The following WNT7B variants were observed in gnomAD, a reference collection of about 807,000 sequenced individuals.
WNT7B encodes Wnt family member 7B, also known as protein Wnt-7b.
WNT7B carries 19 observed loss-of-function variants against 38.2 expected under a neutral mutation model. The observed-to-expected ratio is 0.50, with a 90% CI of 0.35 to 0.73. The LOEUF (loss-of-function observed/expected upper bound fraction) is 0.73. WNT7B is among the 30% of genes least tolerant of loss of function. The pLI is 0.01. For missense variants in WNT7B, 423 were observed against 507.9 expected, an observed-to-expected ratio of 0.83 and a Z score of 1.61; for synonymous variants, 243 against 209.3, an observed-to-expected ratio of 1.16 and a Z score of -1.39.
At chr22:45,927,936 GAGACCTGGTGAAGACAGGCA>G (rs1474569410) in intron 3 of WNT7B, among the ~76,000 whole-genome samples, 1 of 152,200 alleles carries the variant, frequency 6.6e-6, no homozygotes, top group Non-Finnish European at 1.5e-5. Flanking sequence ...AGGCTCAGAG[GAGACCTGGTGAAGACAGGCA>G]GGGGCTGGAG....
chr22:45,971,565 G>A (rs776750802), intron 1 of WNT7B, among the ~76,000 whole-genome samples: 38 of 152,318 alleles, frequency 2.5e-4, no homozygotes, highest in Non-Finnish European at 4.7e-4. Context: ...CGCAATGCGC[G>A]TCCTCCTCGC....
chr22:45,927,641 A>G (rs1056869291), intron 3 of WNT7B: 44 of 779,528 alleles, frequency 5.6e-5, no homozygotes, highest in Non-Finnish European at 9.0e-5. Flanking sequence ...CACACCTGTA[A>G]TCCAAGCACT....
intron 2 of WNT7B, among the ~76,000 whole-genome samples, chr22:45,939,853 A>G (rs1049456511): frequency 3.9e-5 from 6 of 152,064 alleles, no homozygotes; most frequent in Non-Finnish European, 8.8e-5. Flanking sequence ...ACCCCAAAAC[A>G]TCATGCCAAG....
chr22:45,925,869 G>C (rs10453446), intron 3 of WNT7B: 3 of 985,426 alleles, frequency 3.0e-6, no homozygotes, highest in Non-Finnish European at 3.6e-6. Flanking sequence ...GTCCAGACTA[G>C]AGGGTGTGCA....
intron 1 of WNT7B, chr22:45,972,116 G>GGGGGGGCCCCCCCCCCCCCCCC: frequency 1.9e-6 from 1 of 530,744 alleles, no homozygotes; most frequent in Non-Finnish European, 3.3e-6. Flanking sequence ...CCCGGGGGGA[G>GGGGGGGCCCCCCCCCCCCCCCC]CCCACCCGCC....
At position 45,921,984 on chromosome 22, in the gene WNT7B, C is replaced by T. The variant is rs543830334; in HGVS notation, c.*872G>A. 11 of 152,220 alleles carry T rather than the reference C, an allele frequency of 7.2e-5. No individual in the cohort carries two copies. Among genetic ancestry groups the T allele is most frequent in the Non-Finnish European group, 1.5e-4 (10 of 68,040 alleles). The allele number at this position is 152,220 out of a possible 1,614,324, so 9.4% of individuals were successfully genotyped here. A position where few individuals can be genotyped will look rare whatever the true frequency, so the allele number is the denominator to read the frequency against. On this transcript the variant is annotated 3_prime_UTR_variant, in exon 4 of 4. Coordinates refer to ENST00000339464, the MANE Select transcript of WNT7B (RefSeq NM_058238.3). ...CCACGTTGGCCAGGCTGGTCTCGAA[C>T]TCCTGACCTCAGGTGATCCACCTGC... is the stretch of plus-strand genomic sequence containing the variant.
chr22:45,927,340 G>A lies in WNT7B; in HGVS notation c.570+3758C>T. ...TTGGGGAAGGGCAGCCAGGGCCTTG[G>A]TCTGGTAGAAGTGGGGGCAGGGCGG... On this transcript the variant is annotated intron_variant, in intron 3 of 3. Transcript: ENST00000339464. 3.4e-6 allele frequency: 5 copies of A among 1,464,686 alleles called. No individual in the cohort carries two copies. In the South Asian group the frequency reaches 5.5e-5, roughly 16 times the overall value. The allele number at this position is 1,464,686 out of a possible 1,614,324, so 90.7% of individuals were successfully genotyped here.
intron 3 of WNT7B, among the ~76,000 whole-genome samples, chr22:45,923,944 C>T (rs1045553170): frequency 1.8e-4 from 27 of 152,208 alleles, no homozygotes; most frequent in Admixed American, 1.3e-3. Flanking sequence ...CCGACAGCCC[C>T]GGCCCGCCCG....
chr22:45,964,529 A>G (rs1932270466), intron 1 of WNT7B, among the ~76,000 whole-genome samples: 1 of 152,116 alleles, frequency 6.6e-6, no homozygotes. Context: ...CCGCACCTGG[A>G]AATTCCCAAC....
At chr22:45,932,327 T>G (rs1275883573) in intron 2 of WNT7B, among the ~76,000 whole-genome samples, 1 of 152,152 alleles carries the variant, frequency 6.6e-6, no homozygotes, top group African/African-American at 2.4e-5. Context: ...GTGGTCTTTT[T>G]GGTGGCATTC....
intron 2 of WNT7B, among the ~76,000 whole-genome samples, chr22:45,931,877 G>A (rs561807980): frequency 2.6e-5 from 4 of 152,276 alleles, no homozygotes; most frequent in Admixed American, 6.5e-5. Flanking sequence ...CTGGGGCCAC[G>A]GGGAGCATGG....
chr22:45,936,932 C>T (rs537776187), intron 2 of WNT7B, among the ~76,000 whole-genome samples: 3 of 152,372 alleles, frequency 2.0e-5, no homozygotes, highest in Non-Finnish European at 2.9e-5. Flanking sequence ...TGCCACTCCT[C>T]ACCATCCACT....
At chr22:45,938,672 G>T (rs753288668) in intron 2 of WNT7B, among the ~76,000 whole-genome samples, 16 of 152,018 alleles carry the variant, frequency 1.1e-4, no homozygotes, top group Non-Finnish European at 2.4e-4. Context: ...ACACACAGGT[G>T]GAAGGAGTGA....
chr22:45,944,354 A>G (rs915510171), intron 2 of WNT7B, among the ~76,000 whole-genome samples: 1 of 152,172 alleles, frequency 6.6e-6, no homozygotes, highest in Non-Finnish European at 1.5e-5. Flanking sequence ...CAGCCCTGCC[A>G]CTGCCATAGC....
intron 1 of WNT7B, among the ~76,000 whole-genome samples, chr22:45,968,247 C>T (rs1271025810): frequency 1.3e-5 from 2 of 152,204 alleles, no homozygotes; most frequent in African/African-American, 4.8e-5. Flanking sequence ...CCTAGGGGGT[C>T]CACCACTCCT....
intron 1 of WNT7B, among the ~76,000 whole-genome samples, chr22:45,958,154 C>T (rs557044419): frequency 5.3e-5 from 8 of 152,352 alleles, no homozygotes; most frequent in African/African-American, 1.9e-4. Context: ...GAGCAGGGCC[C>T]GTCAGCAGTG....
At position 45,976,749 on chromosome 22, in the gene WNT7B, G is replaced by T; in HGVS notation, c.6C>A (p.His2Gln). 1 of 1,608,494 alleles carries T rather than the reference G, an allele frequency of 6.2e-7. No homozygotes were observed. Among genetic ancestry groups the T allele is most frequent in the South Asian group, 1.1e-5 (1 of 90,816 alleles). The change falls in exon 1 of 4, where the codon CAC becomes CAA. Residue 2 changes from histidine (H) to glutamine (Q), a missense_variant. Physicochemically the swap from His to Gln is conservative, Grantham distance 24 (BLOSUM62 0). Transcript: ENST00000339464. The surrounding 1 kb of genome is among the most constrained non-coding windows in gnomAD (Gnocchi z 8.5). Reference protein sequence around the residue: MHRNFRKWIFYV... With the variant: MQRNFRKWIFYV... Reference sequence around the variant, plus strand: ...AGAAAATCCACTTGCGAAAGTTTCTGTGCATGATCCAGGGAGGGGGGCTGC... The same window carrying T: ...AGAAAATCCACTTGCGAAAGTTTCTTTGCATGATCCAGGGAGGGGGGCTGC...
At chr22:45,963,670 C>T (rs1932246308) in intron 1 of WNT7B, among the ~76,000 whole-genome samples, 1 of 152,148 alleles carries the variant, frequency 6.6e-6, no homozygotes, top group Non-Finnish European at 1.5e-5. Context: ...TCTGCCTCTT[C>T]CCACCCTCCC....
chr22:45,928,563 T>G (rs1931170705), intron 3 of WNT7B, among the ~76,000 whole-genome samples: 1 of 152,030 alleles, frequency 6.6e-6, no homozygotes, highest in Admixed American at 6.5e-5. Context: ...AGCCCTTTCC[T>G]GTGGCTGTCC....
Sources: gnomAD v4.1 joint callset for allele counts (sites outside exome capture counted in the v4.1 genomes callset) on GRCh38, gnomAD v4.1.1 for gene constraint, Gnocchi (gnomAD v3.1) non-coding constraint, MANE v1.5 for transcripts, NCBI Gene and HGNC (gene_info 2026-07-23, HGNC 2026-07-21) for gene names.